The following SOX5 variants were observed in gnomAD, a reference collection of about 807,000 sequenced individuals.
The protein encoded by SOX5 is SRY-box transcription factor 5, also known as transcription factor SOX-5.
Under a neutral mutation model 92.0 loss-of-function variants are expected in SOX5, and 9 were observed. That is an observed-to-expected ratio of 0.10 (90% CI 0.06 to 0.17). The LOEUF (loss-of-function observed/expected upper bound fraction) is 0.17, where lower values mean the gene tolerates loss of function less well. SOX5 is among the 10% of genes least tolerant of loss of function. SOX5 has a pLI of 1.00. For synonymous variants in SOX5, 344 were observed against 336.3 expected, an observed-to-expected ratio of 1.02 and a Z score of -0.25; for missense variants, 642 against 944.5, an observed-to-expected ratio of 0.68 and a Z score of 4.20.
chr12:24,023,449 G>A (rs1592428140), intron 4 of SOX5, among the ~76,000 whole-genome samples: 2 of 152,116 alleles, frequency 1.3e-5, no homozygotes, highest in African/African-American at 2.4e-5. Flanking sequence ...TTATCTTGCA[G>A]ACAGTTTAAG....
chr12:23,821,334 T>C (rs557626870), intron 3 of SOX5, among the ~76,000 whole-genome samples: 64 of 152,300 alleles, frequency 4.2e-4, no homozygotes, highest in African/African-American at 1.4e-3. Flanking sequence ...GCTGAGATGA[T>C]GGGGTTTTCT....
chr12:23,724,245 GTACTC>G (rs1301056224), intron 6 of SOX5, among the ~76,000 whole-genome samples: 3 of 151,976 alleles, frequency 2.0e-5, no homozygotes, highest in African/African-American at 4.8e-5. Flanking sequence ...AGTTTACAAA[GTACTC>G]AACTGTCAGG....
At chr12:24,306,332 A>G (rs1948560147) in intron 2 of SOX5, among the ~76,000 whole-genome samples, 1 of 152,226 alleles carries the variant, frequency 6.6e-6, no homozygotes, top group South Asian at 2.1e-4. Context: ...TTAGAATGCC[A>G]GCAGCAAAGT....
chr12:23,722,761 A>C (rs1345442318), intron 6 of SOX5, among the ~76,000 whole-genome samples: 1 of 151,680 alleles, frequency 6.6e-6, no homozygotes, highest in African/African-American at 2.4e-5. Flanking sequence ...AAAGCATCTA[A>C]ACGGCTCTGG....
At chr12:23,794,058 A>G (rs901869241) in intron 3 of SOX5, among the ~76,000 whole-genome samples, 2 of 152,182 alleles carry the variant, frequency 1.3e-5, no homozygotes, top group Non-Finnish European at 2.9e-5. Flanking sequence ...GAAATGTTTA[A>G]TGTAATATGA....
chr12:23,534,646 T>A, intron 14 of SOX5, 124 bp from the exon 15 acceptor site: 1 of 706,234 alleles, frequency 1.4e-6, no homozygotes, highest in Non-Finnish European at 2.3e-6. Flanking sequence ...TCTAATTGCC[T>A]AACATTTTTC....
At chr12:24,319,537 T>C (rs1443706210) in intron 2 of SOX5, among the ~76,000 whole-genome samples, 1 of 152,216 alleles carries the variant, frequency 6.6e-6, no homozygotes, top group African/African-American at 2.4e-5. Context: ...TCTTTCTGTA[T>C]TCTCACTGCT....
At chr12:24,328,577 A>T (rs892082526) in intron 2 of SOX5, among the ~76,000 whole-genome samples, 1 of 152,142 alleles carries the variant, frequency 6.6e-6, no homozygotes, top group Admixed American at 6.5e-5. Context: ...ACCTCCACAC[A>T]TCTCCCTGTA....
At chr12:23,801,858 A>C (rs942851540) in intron 3 of SOX5, among the ~76,000 whole-genome samples, 2 of 152,150 alleles carry the variant, frequency 1.3e-5, no homozygotes, top group African/African-American at 4.8e-5. Flanking sequence ...TAGCTACTTC[A>C]CCATCTTGAC....
chr12:24,416,048 G>C (rs903859062), intron 1 of SOX5, among the ~76,000 whole-genome samples: 1 of 152,156 alleles, frequency 6.6e-6, no homozygotes, highest in Non-Finnish European at 1.5e-5. Context: ...GGAGAGAAAC[G>C]GGAAGACTTG....
In SOX5 at chr12:23,973,864, T is replaced by C. The variant is rs182375891; in HGVS notation, c.-1-77840A>G. ...GAACTGCACATGCGAGGGATCTAGG[T>C]TGCGCGCTCATATGAGAATCTAACT... is the stretch of plus-strand genomic sequence containing the variant. On this transcript the variant is annotated intron_variant, in intron 4 of 4. Transcript: ENST00000446891. Among the ~76,000 whole-genome samples the C allele has an allele frequency of 1.3e-3, 193 of 152,244 alleles. 1 individual carries two copies. The highest frequency in any genetic ancestry group is 4.3e-3 in the African/African-American group (180 of 41,528).
chr12:24,120,099 G>T (rs1476434494), intron 4 of SOX5, among the ~76,000 whole-genome samples: 2 of 151,992 alleles, frequency 1.3e-5, no homozygotes, highest in Non-Finnish European at 2.9e-5. Flanking sequence ...TCTTGTTTTG[G>T]GCTACTATGA....
intron 2 of SOX5, among the ~76,000 whole-genome samples, chr12:23,850,805 A>G (rs531219211): frequency 1.4e-4 from 22 of 152,356 alleles, no homozygotes; most frequent in African/African-American, 4.8e-4. Context: ...GAAGATAGCT[A>G]TAAATGCTAT....
intron 6 of SOX5, among the ~76,000 whole-genome samples, chr12:23,681,223 G>A (rs2086573325): frequency 4.6e-5 from 7 of 151,762 alleles, no homozygotes; most frequent in South Asian, 4.2e-4. Flanking sequence ...GACTCTCTGA[G>A]CATAAGTAGA....
At chr12:23,692,696 G>A (rs1219968300) in intron 6 of SOX5, among the ~76,000 whole-genome samples, 1 of 152,020 alleles carries the variant, frequency 6.6e-6, no homozygotes, top group Non-Finnish European at 1.5e-5. Flanking sequence ...TCAAATATTC[G>A]GTATTTTTAA....
chr12:23,727,259 C>G (rs2093183246), intron 6 of SOX5, among the ~76,000 whole-genome samples: 1 of 151,864 alleles, frequency 6.6e-6, no homozygotes, highest in Admixed American at 6.6e-5. Context: ...AATAGCGTCT[C>G]AATAAAAATA....
At chr12:23,700,675 T>C (rs1201486549) in intron 6 of SOX5, among the ~76,000 whole-genome samples, 2 of 152,054 alleles carry the variant, frequency 1.3e-5, no homozygotes, top group African/African-American at 2.4e-5. Context: ...AATGAAAACT[T>C]TCCCTTTATA....
chr12:23,972,148 A>G (rs1351296536), intron 4 of SOX5, among the ~76,000 whole-genome samples: 1 of 152,188 alleles, frequency 6.6e-6, no homozygotes, highest in East Asian at 1.9e-4. Context: ...CTTGCCCTGC[A>G]AGGACACCCA....
chr12:24,364,094 C>A (rs578161502), intron 2 of SOX5, among the ~76,000 whole-genome samples: 23 of 152,128 alleles, frequency 1.5e-4, no homozygotes, highest in Admixed American at 5.9e-4. Flanking sequence ...AATCAGTGAC[C>A]GAAGCTTTCA....
Sources: gnomAD v4.1 joint callset for allele counts (sites outside exome capture counted in the v4.1 genomes callset) on GRCh38, gnomAD v4.1.1 for gene constraint, MANE v1.5 for transcripts, NCBI Gene and HGNC (gene_info 2026-07-23, HGNC 2026-07-21) for gene names.